Variants in CCT4 observed in about 807,000 individuals in gnomAD.
CCT4 encodes T-complex protein 1 subunit delta.
Under a neutral mutation model 62.5 loss-of-function variants are expected in CCT4, and 17 were observed. That is an observed-to-expected ratio of 0.27 (90% CI 0.19 to 0.41). The LOEUF (loss-of-function observed/expected upper bound fraction) is 0.41, where lower values mean the gene tolerates loss of function less well. Among genes scored for constraint, CCT4 ranks in the 10% least tolerant of loss-of-function variants. The pLI is 1.00. For missense variants in CCT4, 592 were observed against 659.2 expected, an observed-to-expected ratio of 0.90 and a Z score of 1.12; for synonymous variants, 250 against 229.9, an observed-to-expected ratio of 1.09 and a Z score of -0.79.
intron 1 of CCT4, among the ~76,000 whole-genome samples, chr2:61,885,449 T>C (rs1028620534): frequency 1.3e-5 from 2 of 152,162 alleles, no homozygotes; most frequent in Admixed American, 1.3e-4. Context: ...TCTCACTCTG[T>C]CACAAGGCTA....
rs1558508862 is a variant in CCT4, at chr2:61,885,090, A to G, written c.128-18T>C. On this transcript the variant is annotated intron_variant, in intron 1 of 13. Transcript: ENST00000394440. ...AGCAACCGCTGCAGATGGGGGGGAAAAAAAAGAAAACAAATTAGAACTTTT... is the reference window on the plus strand; with the variant it reads ...AGCAACCGCTGCAGATGGGGGGGAAGAAAAAGAAAACAAATTAGAACTTTT... 5 of 1,527,126 alleles carry G rather than the reference A, an allele frequency of 3.3e-6. No homozygotes were observed. The highest frequency in any genetic ancestry group is 1.3e-5 in the South Asian group (1 of 77,602). The allele number at this position is 1,527,126 out of a possible 1,614,324, so 94.6% of individuals were successfully genotyped here.
At position 61,888,589 on chromosome 2, in the gene CCT4, G is replaced by A. The variant is rs1014422955; in HGVS notation, c.-82C>T. 32 of 1,473,432 alleles carry A rather than the reference G, an allele frequency of 2.2e-5. No individual in the cohort carries two copies. The highest frequency in any genetic ancestry group is 2.9e-5 in the Non-Finnish European group (32 of 1,097,968). The allele number at this position is 1,473,432 out of a possible 1,614,324, so 91.3% of individuals were successfully genotyped here. A position where few individuals can be genotyped will look rare whatever the true frequency, so the allele number is the denominator to read the frequency against. The stretch of plus-strand genomic sequence containing the variant: ...GCCGGCCGCAGTGTAATAACGGTAA[G>A]CCCTCACTGCCTTCACGAACCTTCC... On this transcript the variant is annotated 5_prime_UTR_variant, in exon 1 of 14. Coordinates refer to ENST00000394440, the MANE Select transcript of CCT4 (RefSeq NM_006430.4).
Position 61,872,570 on chromosome 2 carries a change from G to A in CCT4, c.1144C>T (p.Pro382Ser). Reference sequence around the variant, plus strand: ...ACAACAATTGTAACTGTTTTTCCAGGGCTGGCACAGCCTGTAATCTTCAGT... The same window carrying A: ...ACAACAATTGTAACTGTTTTTCCAGAGCTGGCACAGCCTGTAATCTTCAGT... ...KLLKITGCASPGKTVTIVVRG... is the reference protein window; with the variant it reads ...KLLKITGCASSGKTVTIVVRG... Residue 382 changes from proline to serine, a missense_variant, in exon 11 of 14, where the codon CCT becomes TCT. By Grantham distance (74) the Pro-to-Ser change is moderately conservative (BLOSUM62 -1). Transcript: ENST00000394440. 1 of 1,613,882 alleles carries A rather than the reference G, an allele frequency of 6.2e-7. No homozygotes were observed. Among genetic ancestry groups the A allele is most frequent in the East Asian group, 2.2e-5 (1 of 44,876 alleles).
intron 3 of CCT4, among the ~76,000 whole-genome samples, chr2:61,882,180 G>A (rs1193816649): frequency 6.6e-6 from 1 of 152,156 alleles, no homozygotes; most frequent in African/African-American, 2.4e-5. Flanking sequence ...TGATCCACCC[G>A]CCTCAGCCTC....
rs915034200 is a variant in CCT4 at position 61,888,574 on chromosome 2, G to C, written c.-67C>G. 3 of 1,563,592 alleles carry C rather than the reference G, an allele frequency of 1.9e-6. No individual in the cohort carries two copies. Among genetic ancestry groups the C allele is most frequent in the Non-Finnish European group, 2.6e-6 (3 of 1,154,736 alleles). On this transcript the variant is annotated 5_prime_UTR_variant, in exon 1 of 14. Transcript: ENST00000394440. ...TGGACCCGGATTCTGGCCGGCCGCA[G>C]TGTAATAACGGTAAGCCCTCACTGC...
chr2:61,878,591 C>T (rs185791398), intron 5 of CCT4, among the ~76,000 whole-genome samples: 177 of 152,272 alleles, frequency 1.2e-3, no homozygotes, highest in Non-Finnish European at 2.2e-3. Context: ...GAAAAGGTTT[C>T]TTATAGGCAA....
At chr2:61,870,602 T>C (rs1668863147) in intron 12 of CCT4, among the ~76,000 whole-genome samples, 1 of 152,138 alleles carries the variant, frequency 6.6e-6, no homozygotes, top group South Asian at 2.1e-4. Flanking sequence ...CTTAAAATGT[T>C]CATGTCCTTA....
At chr2:61,876,026 G>GA (rs1668992736) in intron 8 of CCT4, 69 bp downstream of exon 8, 3 of 992,552 alleles carry the variant, frequency 3.0e-6, no homozygotes, top group South Asian at 1.8e-5. Flanking sequence ...TATTTTATCA[G>GA]AAAAAATAAA....
Position 61,873,246 on chromosome 2 carries a change from A to T in CCT4, c.965T>A (p.Ile322Asn). ...TCTTTCAATATCCTTAATCACCATGATCTTCATTTTATTCAGAAAGTGTAA... is the reference window on the plus strand; with the variant it reads ...TCTTTCAATATCCTTAATCACCATGTTCTTCATTTTATTCAGAAAGTGTAA... The part of the protein sequence containing the change: ...LALHFLNKMK[I>N]MVIKDIERED... The change falls in exon 9 of 14, where the codon ATC (isoleucine) becomes AAC (asparagine). Residue 322 changes from isoleucine (I) to asparagine (N), a missense_variant. Physicochemically the swap from Ile to Asn is moderately radical, Grantham distance 149. Transcript: ENST00000394440. 6.5e-7 allele frequency: 1 copy of T among 1,540,924 alleles called. No individual in the cohort carries two copies. Among genetic ancestry groups the T allele is most frequent in the African/African-American group, 1.4e-5 (1 of 73,294 alleles).
At position 61,888,460 on chromosome 2, in the gene CCT4, G is replaced by C. The variant is rs776302850; in HGVS notation, c.48C>G (p.Ala16=). Reference sequence around the variant, plus strand: ...GATAGGCGCCTTTCCCGCGGCCGCCGGCAGCCCCGGCAGTCGCCCCGCTCC... The same window carrying C: ...GATAGGCGCCTTTCCCGCGGCCGCCCGCAGCCCCGGCAGTCGCCCCGCTCC... The part of the protein sequence containing the change: ...APRSGATAGA[A]GGRGKGAYQD... Residue 16 remains alanine, a synonymous_variant, in exon 1 of 14, where the codon GCC becomes GCG. Coordinates refer to ENST00000394440, the MANE Select transcript of CCT4 (RefSeq NM_006430.4). The C allele has an allele frequency of 2.9e-5, 46 of 1,611,540 alleles. No individual in the cohort carries two copies. Among genetic ancestry groups the C allele is most frequent in the Middle Eastern group, 1.7e-4 (1 of 6,050 alleles).
chr2:61,879,980 G>A (rs1232957447), intron 4 of CCT4, among the ~76,000 whole-genome samples: 1 of 151,632 alleles, frequency 6.6e-6, no homozygotes, highest in African/African-American at 2.4e-5. Context: ...CACCCACCTT[G>A]GCCTCTCAAA....
At chr2:61,877,187 G>T in intron 6 of CCT4, 135 bp from the exon 7 acceptor site, 2 of 904,610 alleles carry the variant, frequency 2.2e-6, no homozygotes, top group Non-Finnish European at 3.3e-6. Context: ...CCCACTCCTG[G>T]ATCTCTTTGA....
chr2:61,872,953 C>A (rs762735124), intron 10 of CCT4, 49 bp downstream of exon 10: 3 of 1,078,578 alleles, frequency 2.8e-6, no homozygotes, highest in South Asian at 2.5e-5. Flanking sequence ...CAACCTAAAA[C>A]CCCATACCCA....
rs1425217645 is a variant in CCT4 at position 61,876,189 on chromosome 2, C to T, written c.823G>A (p.Val275Met). 1 of 1,610,786 alleles carries T rather than the reference C, an allele frequency of 6.2e-7. No homozygotes were observed. Among genetic ancestry groups the T allele is most frequent in the African/African-American group, 1.3e-5 (1 of 74,828 alleles). The stretch of plus-strand genomic sequence containing the variant: ...ATATAGGCTCTCTCTTCTCGCAGCA[C>T]TCGGTCCATCTGGGCATAGTCAGAA... The part of the protein sequence containing the change: ...VVSDYAQMDR[V>M]LREERAYILN... Residue 275 changes from valine (V) to methionine (M), a missense_variant, in exon 8 of 14, where the codon GTG becomes ATG. This residue lies in a region of CCT4 where 522 missense variants were observed against 571.2 expected (regional missense o/e 0.91). Coordinates refer to ENST00000394440, the MANE Select transcript of CCT4 (RefSeq NM_006430.4).
At chr2:61,885,224 A>G in intron 1 of CCT4, 152 bp from the exon 2 acceptor site, 1 of 529,496 alleles carries the variant, frequency 1.9e-6, no homozygotes, top group Non-Finnish European at 3.2e-6. Flanking sequence ...AGTATGGGAA[A>G]TCAAGACTTC....
intron 13 of CCT4, 128 bp downstream of exon 13, chr2:61,869,312 G>A (rs573736493): frequency 3.2e-6 from 2 of 621,204 alleles, no homozygotes; most frequent in South Asian, 3.8e-5. Context: ...CTCCAGCCTG[G>A]GCAACAGAGC....
At position 61,888,451 on chromosome 2, in the gene CCT4, G is replaced by A. The variant is rs988751096; in HGVS notation, c.57C>T (p.Arg19=). ...CGCGGTCCTGATAGGCGCCTTTCCC[G>A]CGGCCGCCGGCAGCCCCGGCAGTCG... ...SGATAGAAGG[R]GKGAYQDRDK... is the part of the protein sequence containing the mutation. The change falls in exon 1 of 14, where the codon CGC becomes CGT. Residue 19 remains arginine (R), a synonymous_variant. Coordinates refer to ENST00000394440, the MANE Select transcript of CCT4 (RefSeq NM_006430.4). The A allele has an allele frequency of 6.2e-7, 1 of 1,611,014 alleles. No homozygotes were observed. The highest frequency in any genetic ancestry group is 1.3e-5 in the African/African-American group (1 of 74,874).
chr2:61,888,375 T>C lies in CCT4; in HGVS notation c.127+6A>G, dbSNP rs1157280801. ...GGCGCCGCGGGTCAGGCCATGAGAG[T>C]GATACCTTTGGCGGCGGAAATGTTG... On this transcript the variant is annotated splice_donor_region_variant and intron_variant, in intron 1 of 13. Transcript: ENST00000394440. The C allele has an allele frequency of 2.5e-6, 4 of 1,610,290 alleles. No homozygotes were observed. The highest frequency in any genetic ancestry group is 3.4e-6 in the Non-Finnish European group (4 of 1,178,596).
At chr2:61,874,436 T>A (rs139525444) in intron 8 of CCT4, among the ~76,000 whole-genome samples, 1 of 151,446 alleles carries the variant, frequency 6.6e-6, no homozygotes. Context: ...CTGACCAACA[T>A]GATAAAACCT....
Sources: allele counts gnomAD v4.1 joint callset (sites outside exome capture counted in the v4.1 genomes callset), GRCh38; gene constraint gnomAD v4.1.1; regional missense constraint gnomAD v4.1.1; transcripts MANE v1.5; gene names NCBI Gene and HGNC (gene_info 2026-07-23, HGNC 2026-07-21).